Variants in DOK6 observed in about 807,000 individuals in gnomAD.
DOK6 encodes downstream of tyrosine kinase 6.
A neutral mutation model predicts 44.0 loss-of-function variants in DOK6; 22 were observed. That is an observed-to-expected ratio of 0.50 (90% CI 0.36 to 0.71). The LOEUF is 0.71. Ranked by LOEUF, DOK6 falls within the 30% of genes least tolerant of loss-of-function variation. The probability of loss-of-function intolerance (pLI) is 0.00; values close to 1 mark genes in which losing one functional copy is unlikely to be tolerated. For synonymous variants in DOK6, 166 were observed against 145.5 expected (o/e 1.14, Z -1.01); for missense variants, 340 against 416.4 (o/e 0.82, Z 1.60).
chr18:69,576,019 A>G (rs1983229627), intron 2 of DOK6, among the ~76,000 whole-genome samples: 1 of 152,174 alleles, frequency 6.6e-6, no homozygotes, highest in South Asian at 2.1e-4. Flanking sequence ...GGACTAAACC[A>G]TAATTCCTCA....
At chr18:69,682,399 G>T (rs1986064623) in intron 4 of DOK6, among the ~76,000 whole-genome samples, 1 of 152,166 alleles carries the variant, frequency 6.6e-6, no homozygotes, top group Admixed American at 6.5e-5. Context: ...CAGGTAAAAA[G>T]GCTAAAGTTG....
Position 69,401,113 on chromosome 18 carries a change from G to A in DOK6, c.-132G>A. The A allele has an allele frequency of 1.1e-6, 1 of 893,730 alleles. No individual in the cohort carries two copies. The highest frequency in any genetic ancestry group is 1.5e-6 in the Non-Finnish European group (1 of 668,344). The allele number at this position is 893,730 out of a possible 1,614,324, so 55.4% of individuals were successfully genotyped here. A position where few individuals can be genotyped will look rare whatever the true frequency, so the allele number is the denominator to read the frequency against. On this transcript the variant is annotated 5_prime_UTR_variant, in exon 1 of 8. Coordinates refer to ENST00000382713, the MANE Select transcript of DOK6 (RefSeq NM_152721.6). ...CGCGTCCCCACCGGCGGGAGCTCGGGGAAGAGCGGGCGGCGGCGCTGCTGC... is the reference window on the plus strand; with the variant it reads ...CGCGTCCCCACCGGCGGGAGCTCGGAGAAGAGCGGGCGGCGGCGCTGCTGC...
At chr18:69,470,804 C>T (rs536131919) in intron 1 of DOK6, among the ~76,000 whole-genome samples, 3 of 152,272 alleles carry the variant, frequency 2.0e-5, no homozygotes, top group South Asian at 2.1e-4. Context: ...AATTTTCATT[C>T]GCTCAACATG....
At chr18:69,676,440 T>C (rs12150740) in intron 3 of DOK6, among the ~76,000 whole-genome samples, 56 of 152,310 alleles carry the variant, frequency 3.7e-4, no homozygotes, top group Non-Finnish European at 6.9e-4. Flanking sequence ...AGCCCAGTGT[T>C]GGTATTTAGA....
chr18:69,473,426 A>T (rs1980171883), intron 1 of DOK6, among the ~76,000 whole-genome samples: 3 of 152,228 alleles, frequency 2.0e-5, no homozygotes. Flanking sequence ...TGGTGATATC[A>T]TGTTCCCTCA....
intron 5 of DOK6, among the ~76,000 whole-genome samples, chr18:69,716,692 C>CAAAAAAAAAAAAAA (rs11351701): frequency 3.8e-5 from 4 of 104,774 alleles, no homozygotes; most frequent in Non-Finnish European, 5.8e-5. Flanking sequence ...GCAGAATTGA[C>CAAAAAAAAAAAAAA]AAAAAAAAAA....
chr18:69,811,569 TATATATATCA>T (rs1325035318), intron 7 of DOK6, among the ~76,000 whole-genome samples: 118 of 15,452 alleles, frequency 7.6e-3, no homozygotes, highest in African/African-American at 0.012. Context: ...TATATATATA[TATATATATCA>T]AAACACTACG....
intron 7 of DOK6, among the ~76,000 whole-genome samples, chr18:69,790,267 G>C (rs569302536): frequency 6.6e-6 from 1 of 151,710 alleles, no homozygotes; most frequent in African/African-American, 2.4e-5. Context: ...GGCCTGTCGG[G>C]GGGTGGGGGG....
intron 3 of DOK6, among the ~76,000 whole-genome samples, chr18:69,609,483 C>CACAA (rs1984084241): frequency 6.9e-6 from 1 of 145,530 alleles, no homozygotes; most frequent in Non-Finnish European, 1.5e-5. Context: ...ATGGCTATTA[C>CACAA]AAGAAATAAA....
Position 69,698,565 on chromosome 18 carries a change from T to C in DOK6, c.571T>C (p.Ser191Pro). ...LSSLRRYGRD[S>P]TWFTFESGRM... ...CTCACTGAGGAGATACGGTCGGGACTCAACGTGGTTCACGTTTGAGTCAGG... is the reference window on the plus strand; with the variant it reads ...CTCACTGAGGAGATACGGTCGGGACCCAACGTGGTTCACGTTTGAGTCAGG... The change falls in exon 5 of 8, where the codon TCA (serine) becomes CCA (proline). Residue 191 changes from serine (S) to proline (P), a missense_variant. By Grantham distance (74) the Ser-to-Pro change is moderately conservative. Transcript: ENST00000382713. 6.2e-7 allele frequency: 1 copy of C among 1,613,868 alleles called. No homozygotes were observed. The highest frequency in any genetic ancestry group is 8.5e-7 in the Non-Finnish European group (1 of 1,179,914).
chr18:69,696,212 C>T (rs1986386221), intron 4 of DOK6, among the ~76,000 whole-genome samples: 3 of 152,166 alleles, frequency 2.0e-5, no homozygotes, highest in Non-Finnish European at 4.4e-5. Context: ...TTTTCCTAAG[C>T]TCTATCTGCT....
chr18:69,535,626 C>T (rs1038512901), intron 1 of DOK6, among the ~76,000 whole-genome samples: 3 of 139,842 alleles, frequency 2.1e-5, no homozygotes, highest in Non-Finnish European at 3.2e-5. Flanking sequence ...TGATAATGGA[C>T]ATTATCATCA....
chr18:69,814,549 T>C (rs1213003490), intron 7 of DOK6, among the ~76,000 whole-genome samples: 1 of 152,064 alleles, frequency 6.6e-6, no homozygotes, highest in African/African-American at 2.4e-5. Context: ...TAAAGAACTA[T>C]CCGAGACTGG....
At chr18:69,759,326 A>C (rs531058983) in intron 7 of DOK6, among the ~76,000 whole-genome samples, 2 of 152,318 alleles carry the variant, frequency 1.3e-5, no homozygotes, top group African/African-American at 4.8e-5. Flanking sequence ...AAATAATTTG[A>C]AAGTATGCTT....
intron 1 of DOK6, among the ~76,000 whole-genome samples, chr18:69,482,833 C>A (rs71368401): frequency 0.028 from 4,186 of 151,618 alleles, 99 homozygotes; most frequent in Non-Finnish European, 0.04. Context: ...TTTAAAAGAA[C>A]CTCTGCAGTA....
At chr18:69,416,892 C>T (rs76567683) in intron 1 of DOK6, among the ~76,000 whole-genome samples, 8,151 of 152,120 alleles carry the variant, frequency 0.054, 252 homozygotes, top group Middle Eastern at 0.12. Flanking sequence ...TCTCCTAAAC[C>T]ATTTTAGGTT....
At chr18:69,422,847 A>T (rs1388439804) in intron 1 of DOK6, among the ~76,000 whole-genome samples, 1 of 152,190 alleles carries the variant, frequency 6.6e-6, no homozygotes, top group Non-Finnish European at 1.5e-5. Flanking sequence ...TTAAACTTAA[A>T]CTTGCAATTC....
At chr18:69,473,185 G>C (rs143740936) in intron 1 of DOK6, among the ~76,000 whole-genome samples, 1 of 152,120 alleles carries the variant, frequency 6.6e-6, no homozygotes, top group African/African-American at 2.4e-5. Flanking sequence ...TTATAAATAG[G>C]CTTGCCAAGT....
intron 1 of DOK6, among the ~76,000 whole-genome samples, chr18:69,519,670 A>G (rs1433253770): frequency 6.6e-6 from 1 of 151,964 alleles, no homozygotes; most frequent in Non-Finnish European, 1.5e-5. Context: ...GGAGACTAAA[A>G]TGCATTATTT....
Sources: gnomAD v4.1 joint callset for allele counts (sites outside exome capture counted in the v4.1 genomes callset) on GRCh38, gnomAD v4.1.1 for gene constraint, MANE v1.5 for transcripts, NCBI Gene and HGNC (gene_info 2026-07-23, HGNC 2026-07-21) for gene names.